Variants in MPP3 observed in about 807,000 individuals in gnomAD.
MPP3 encodes MAGUK p55 scaffold protein 3.
Under a neutral mutation model 80.7 loss-of-function variants are expected in MPP3, and 48 were observed. The ratio of observed to expected loss-of-function variants is 0.59; its 90% CI spans 0.47 to 0.76. MPP3 has a LOEUF of 0.76. Among genes scored for constraint, MPP3 ranks in the 30% least tolerant of loss-of-function variants. MPP3 has a pLI of 0.00. For missense variants in MPP3, 620 were observed against 763.0 expected, an observed-to-expected ratio of 0.81 and a Z score of 2.21; for synonymous variants, 311 against 297.6, an observed-to-expected ratio of 1.04 and a Z score of -0.46.
At chr17:43,803,602 AG>A (rs1312942245) in intron 19 of MPP3, among the ~76,000 whole-genome samples, 1 of 152,186 alleles carries the variant, frequency 6.6e-6, no homozygotes, top group African/African-American at 2.4e-5. Flanking sequence ...GTCCCCTACC[AG>A]GAACTCAGGT....
At chr17:43,801,938 C>A in intron 19 of MPP3, 61 bp from the exon 20 acceptor site, 1 of 1,537,214 alleles carries the variant, frequency 6.5e-7, no homozygotes, top group Non-Finnish European at 8.8e-7. Flanking sequence ...AAACCTATAA[C>A]CTTTGTCTTG....
In MPP3 at chr17:43,820,639, C is replaced by CACACACACACACACACACACACAT. The variant is rs796095687; in HGVS notation, c.881+222_881+223insATGTGTGTGTGTGTGTGTGTGTGT. ...ACACACACACACACACACACACACACATTAACTTAATAACATAAATTTCCA... is the reference window on the plus strand; with the variant it reads ...ACACACACACACACACACACACACACACACACACACACACACACACACATATTAACTTAATAACATAAATTTCCA... On this transcript the variant is annotated intron_variant, in intron 11 of 19. Coordinates refer to ENST00000398389, the MANE Select transcript of MPP3 (RefSeq NM_001932.6). Among the ~76,000 whole-genome samples, 164 of 145,360 alleles carry CACACACACACACACACACACACAT rather than the reference C, an allele frequency of 1.1e-3. 2 individuals are homozygous for CACACACACACACACACACACACAT. Among genetic ancestry groups the CACACACACACACACACACACACAT allele is most frequent in the Middle Eastern group, 3.5e-3 (1 of 282 alleles).
intron 12 of MPP3, 160 bp downstream of exon 12, chr17:43,817,886 C>T (rs77463683): frequency 1.2e-5 from 5 of 425,092 alleles, no homozygotes; most frequent in Non-Finnish European, 2.1e-5. Flanking sequence ...AGCTGCCCCC[C>T]ACCTCCTACT....
chr17:43,832,561 C>T (rs1486857211), intron 2 of MPP3, among the ~76,000 whole-genome samples, 200 bp downstream of exon 2: 1 of 152,220 alleles, frequency 6.6e-6, no homozygotes, highest in Non-Finnish European at 1.5e-5. Context: ...TCTCATGAGG[C>T]CCTCCAAAGG....
Position 43,801,734 on chromosome 17 carries a change from G to A in MPP3, c.1725C>T (p.Asp575=). The A allele has an allele frequency of 6.2e-7, 1 of 1,614,138 alleles. No individual in the cohort carries two copies. Among genetic ancestry groups the A allele is most frequent in the Non-Finnish European group, 8.5e-7 (1 of 1,180,010 alleles). Residue 575 remains aspartate (D), a synonymous_variant, in exon 20 of 20, where the codon GAC becomes GAT. Coordinates refer to ENST00000398389, the MANE Select transcript of MPP3 (RefSeq NM_001932.6). ...LKVVLEKLSK[D]THWVPVSWVR ...CCCAACTAACAGGTACCCAGTGAGT[G>A]TCCTTGCTCAGCTTCTCTAAGACCA...
chr17:43,818,583 TGAGTG>T (rs2045269402), intron 11 of MPP3, among the ~76,000 whole-genome samples: 1 of 152,082 alleles, frequency 6.6e-6, no homozygotes, highest in South Asian at 2.1e-4. Context: ...AATGTGGCCA[TGAGTG>T]GAGAGGTGGG....
At position 43,810,909 on chromosome 17, in the gene MPP3, C is replaced by T. The variant is rs2044826995; in HGVS notation, c.1356G>A (p.Leu452=). Residue 452 remains leucine (L), a synonymous_variant, in exon 18 of 20, where the codon CTG becomes CTA. Coordinates refer to ENST00000398389, the MANE Select transcript of MPP3 (RefSeq NM_001932.6). The stretch of plus-strand genomic sequence containing the variant: ...GATTTTCCTTATATTCACCATGTTC[C>T]AGGAACCTAAAACACCACCAAAGGG... ...FEADLHHNKF[L]EHGEYKENLY... The T allele has an allele frequency of 6.2e-7, 1 of 1,602,862 alleles. No homozygotes were observed. Among genetic ancestry groups the T allele is most frequent in the South Asian group, 1.1e-5 (1 of 88,392 alleles).
rs1212566507 is a variant in MPP3, at chr17:43,831,950, G to C, written c.-37-7C>G. 1.3e-6 allele frequency: 2 copies of C among 1,596,892 alleles called. No homozygotes were observed. The highest frequency in any genetic ancestry group is 1.7e-5 in the Admixed American group (1 of 59,180). On this transcript the variant is annotated splice_region_variant and splice_polypyrimidine_tract_variant and intron_variant, in intron 2 of 19. Transcript: ENST00000398389. ...CGACCTCTCCCTGCAGATTCTGGGA[G>C]AAGGGGGTGGAGGTGGGTATTGAAG... is the stretch of plus-strand genomic sequence containing the variant.
chr17:43,806,683 C>G (rs537446559), intron 19 of MPP3, among the ~76,000 whole-genome samples: 1 of 151,968 alleles, frequency 6.6e-6, no homozygotes, highest in African/African-American at 2.4e-5. Context: ...AATCTCGGCT[C>G]ATTGCAACCT....
intron 18 of MPP3, among the ~76,000 whole-genome samples, chr17:43,809,772 G>A (rs1251590682): frequency 4.6e-5 from 7 of 152,046 alleles, no homozygotes; most frequent in African/African-American, 1.2e-4. Flanking sequence ...CCAGCTACTC[G>A]GGAGGCTGAG....
In MPP3 at chr17:43,816,679, T is replaced by TTGTCACAAGGCTGATCA; in HGVS notation, c.948_964dup (p.Lys322MetfsTer54). 6.3e-7 allele frequency: 1 copy of TTGTCACAAGGCTGATCA among 1,576,704 alleles called. No homozygotes were observed. Among genetic ancestry groups the TTGTCACAAGGCTGATCA allele is most frequent in the Non-Finnish European group, 8.6e-7 (1 of 1,160,592 alleles). On this transcript the variant is annotated frameshift_variant, in exon 13 of 20. Coordinates refer to ENST00000398389, the MANE Select transcript of MPP3 (RefSeq NM_001932.6). LOFTEE classifies it high-confidence loss of function. ...CAGCGGATAGATACTGGGCCTACCTTTGTCACAAGGCTGATCATCTGCGGT... is the reference window on the plus strand; with the variant it reads ...CAGCGGATAGATACTGGGCCTACCTTTGTCACAAGGCTGATCATGTCACAAGGCTGATCATCTGCGGT...
intron 4 of MPP3, 54 bp from the exon 5 acceptor site, chr17:43,831,375 G>A (rs895644308): frequency 3.2e-6 from 5 of 1,565,438 alleles, no homozygotes; most frequent in Non-Finnish European, 4.4e-6. Context: ...TCCCACCCAC[G>A]GCTGTGGGGA....
Position 43,809,091 on chromosome 17 carries a change from G to A in MPP3, c.1459-13C>T, listed in dbSNP as rs759010976. Reference sequence around the variant, plus strand: ...GTTGTTTCAGTGCCTGAGAAAGAAAGTTCAGGAATATTATATACTTTTGAA... The same window carrying A: ...GTTGTTTCAGTGCCTGAGAAAGAAAATTCAGGAATATTATATACTTTTGAA... On this transcript the variant is annotated splice_polypyrimidine_tract_variant and intron_variant, in intron 18 of 19. Transcript: ENST00000398389. The A allele has an allele frequency of 1.3e-6, 2 of 1,576,360 alleles. No homozygotes were observed. The highest frequency in any genetic ancestry group is 1.4e-5 in the African/African-American group (1 of 72,416).
chr17:43,825,623 C>A, intron 9 of MPP3, 133 bp downstream of exon 9: 2 of 663,240 alleles, frequency 3.0e-6, no homozygotes. Context: ...AGGGGCACAC[C>A]ATAAGGCCAC....
At chr17:43,807,918 C>A (rs1289535568) in intron 19 of MPP3, among the ~76,000 whole-genome samples, 3 of 151,368 alleles carry the variant, frequency 2.0e-5, no homozygotes, top group African/African-American at 7.3e-5. Context: ...CATGATTGTA[C>A]CACTGCACTC....
intron 2 of MPP3, 114 bp from the exon 3 acceptor site, chr17:43,832,057 G>A: frequency 2.8e-6 from 2 of 721,042 alleles, no homozygotes; most frequent in South Asian, 1.6e-5. Context: ...GAGAGGATGG[G>A]AACAAATAAC....
intron 14 of MPP3, chr17:43,814,676 A>C: frequency 1.6e-5 from 4 of 242,648 alleles, no homozygotes; most frequent in East Asian, 8.2e-5. Flanking sequence ...TACAACTACT[A>C]TGTGTGGTCC....
chr17:43,831,547 G>A lies in MPP3; in HGVS notation c.144+12C>T, dbSNP rs375440309. On this transcript the variant is annotated intron_variant, in intron 4 of 19. Coordinates refer to ENST00000398389, the MANE Select transcript of MPP3 (RefSeq NM_001932.6). Reference sequence around the variant, plus strand: ...TAGACACCCTTCCACGCAGGATGACGTGGGACTTCACCTTCATTAAGTAAC... The same window carrying A: ...TAGACACCCTTCCACGCAGGATGACATGGGACTTCACCTTCATTAAGTAAC... The A allele has an allele frequency of 1.1e-5, 17 of 1,585,044 alleles. No homozygotes were observed. The highest frequency in any genetic ancestry group is 4.5e-5 in the East Asian group (2 of 44,706).
rs547453868 is a variant in MPP3, at chr17:43,800,894, C to T, written c.*807G>A. 1 of 152,192 alleles carries T rather than the reference C, an allele frequency of 6.6e-6. No individual in the cohort carries two copies. Among genetic ancestry groups the T allele is most frequent in the Admixed American group, 6.6e-5 (1 of 15,258 alleles). The allele number at this position is 152,192 out of a possible 1,614,324, so 9.4% of individuals were successfully genotyped here. A position where few individuals can be genotyped will look rare whatever the true frequency, so the allele number is the denominator to read the frequency against. On this transcript the variant is annotated 3_prime_UTR_variant, in exon 20 of 20. Transcript: ENST00000398389. ...TTTGACAGGGAGAGTCATCTGGTTTCCCAAGATCTAGCACAATGGGAACCC... is the reference window on the plus strand; with the variant it reads ...TTTGACAGGGAGAGTCATCTGGTTTTCCAAGATCTAGCACAATGGGAACCC...
Sources: allele counts gnomAD v4.1 joint callset (sites outside exome capture counted in the v4.1 genomes callset), GRCh38; gene constraint gnomAD v4.1.1; transcripts MANE v1.5; gene names NCBI Gene and HGNC (gene_info 2026-07-23, HGNC 2026-07-21).